The following TTC39B variants were observed in gnomAD, a reference collection of about 807,000 sequenced individuals.
The protein encoded by TTC39B is tetratricopeptide repeat domain 39B, also known as tetratricopeptide repeat protein 39B.
A neutral mutation model predicts 96.6 loss-of-function variants in TTC39B; 92 were observed. The observed-to-expected ratio is 0.95, with a 90% CI of 0.80 to 1.13. The LOEUF is 1.13. Among genes scored for constraint, TTC39B ranks in the 50% most tolerant of loss-of-function variants. TTC39B has a pLI of 0.00. For missense variants in TTC39B, 955 were observed against 809.3 expected (o/e 1.18, Z -2.18); for synonymous variants, 367 against 299.4 (o/e 1.23, Z -2.33).
rs984935776 is a variant in TTC39B, at chr9:15,306,808, G to A, written c.240+276C>T. 6.6e-5 allele frequency among the ~76,000 whole-genome samples: 10 copies of A among 152,126 alleles called. No homozygotes were observed. Among genetic ancestry groups the A allele is most frequent in the African/African-American group, 2.4e-4 (10 of 41,450 alleles). On this transcript the variant is annotated intron_variant, in intron 1 of 19. Transcript: ENST00000512701. This position sits in a 1 kb window ranked among gnomAD's most constrained non-coding sequence, Gnocchi z 5.1. Reference sequence around the variant, plus strand: ...GTCCCGCGCCCTCACGCCCATCCAAGTGCTGGCAGGACGTGGGTCCTCCAT... The same window carrying A: ...GTCCCGCGCCCTCACGCCCATCCAAATGCTGGCAGGACGTGGGTCCTCCAT...
chr9:15,270,012 T>C lies in TTC39B; in HGVS notation c.241-2064A>G, dbSNP rs1428134667. On this transcript the variant is annotated intron_variant, in intron 1 of 19. Transcript: ENST00000512701. ...GGTGAAACCCCATTCCTACTAAAAA[T>C]ACAAAAATTAGCCAGGCATGGTGGT... 4.6e-5 allele frequency among the ~76,000 whole-genome samples: 7 copies of C among 151,682 alleles called. No individual in the cohort carries two copies. In the East Asian group the frequency reaches 1.4e-3, roughly 30 times the overall value.
At chr9:15,170,324 C>A (rs1451101310) in exon 20 of TTC39B, 1 of 152,124 alleles carries the variant, frequency 6.6e-6, no homozygotes, top group Non-Finnish European at 1.5e-5. Context: ...CCTGGGTAGC[C>A]TACTGTCAAC....
intron 2 of TTC39B, among the ~76,000 whole-genome samples, chr9:15,229,802 G>A (rs1188812848): frequency 6.6e-6 from 1 of 152,126 alleles, no homozygotes; most frequent in South Asian, 2.1e-4. Flanking sequence ...AGACCTGTAA[G>A]CCAACTGGGG....
intron 1 of TTC39B, among the ~76,000 whole-genome samples, chr9:15,271,215 AG>A: frequency 6.6e-6 from 1 of 152,286 alleles, no homozygotes; most frequent in South Asian, 2.1e-4. Context: ...AAGCCTCCCA[AG>A]GATTATTTAA....
At chr9:15,227,433 T>C (rs367573918) in intron 2 of TTC39B, among the ~76,000 whole-genome samples, 4 of 152,180 alleles carry the variant, frequency 2.6e-5, no homozygotes, top group Non-Finnish European at 5.9e-5. Flanking sequence ...CATTTTTATC[T>C]TGGATATATC....
rs764405397 is a variant in TTC39B at position 15,200,956 on chromosome 9, G to A, written c.760-1031C>T. On this transcript the variant is annotated intron_variant, in intron 7 of 19. Coordinates refer to ENST00000512701, the Ensembl canonical transcript of TTC39B. ...GGAGGTTGCAGTGAGCCAAGATCGC[G>A]CCACTGCACTCCAGCCTGGTGACAG... Among the ~76,000 whole-genome samples, 61 of 152,010 alleles carry A rather than the reference G, an allele frequency of 4.0e-4. 1 individual carries two copies. Among genetic ancestry groups the A allele is most frequent in the Non-Finnish European group, 6.5e-4 (44 of 68,008 alleles).
At chr9:15,285,629 C>T (rs1004072219) in intron 1 of TTC39B, among the ~76,000 whole-genome samples, 5 of 152,116 alleles carry the variant, frequency 3.3e-5, no homozygotes, top group African/African-American at 1.2e-4. Context: ...CCGAGGCGGG[C>T]GGATCACGAG....
chr9:15,306,705 A>G lies in TTC39B; in HGVS notation c.240+379T>C, dbSNP rs2131632356. Among the ~76,000 whole-genome samples, 1 of 152,354 alleles carries G rather than the reference A, an allele frequency of 6.6e-6. No homozygotes were observed. Among genetic ancestry groups the G allele is most frequent in the South Asian group, 2.1e-4 (1 of 4,834 alleles). On this transcript the variant is annotated intron_variant, in intron 1 of 19. Coordinates refer to ENST00000512701, the Ensembl canonical transcript of TTC39B. This position sits in a 1 kb window ranked among gnomAD's most constrained non-coding sequence, Gnocchi z 5.1. ...CACGAACACCCAGAGAGCCAGTGCC[A>G]GGACTTCAGGGTCAGACTTCGTAAA...
chr9:15,226,853 T>C (rs1334636465), intron 2 of TTC39B, among the ~76,000 whole-genome samples: 4 of 152,076 alleles, frequency 2.6e-5, no homozygotes, highest in East Asian at 3.9e-4. Flanking sequence ...TGTATTACAA[T>C]AGAATTGCCA....
At chr9:15,270,471 C>T (rs149939567) in intron 1 of TTC39B, among the ~76,000 whole-genome samples, 1 of 152,244 alleles carries the variant, frequency 6.6e-6, no homozygotes, top group African/African-American at 2.4e-5. Context: ...TCTCCTCCTC[C>T]TCACAAACCT....
chr9:15,257,963 G>A (rs899552335), intron 2 of TTC39B, among the ~76,000 whole-genome samples: 2 of 152,140 alleles, frequency 1.3e-5, no homozygotes, highest in Non-Finnish European at 2.9e-5. Context: ...GGAAGGCTGA[G>A]GCAGGAGAAT....
At chr9:15,297,816 C>T (rs1388413014) in intron 1 of TTC39B, among the ~76,000 whole-genome samples, 1 of 152,132 alleles carries the variant, frequency 6.6e-6, no homozygotes, top group East Asian at 1.9e-4. Flanking sequence ...CAGATGCACA[C>T]CATGATCTCC....
chr9:15,255,025 G>A (rs1402604314), intron 2 of TTC39B, among the ~76,000 whole-genome samples: 1 of 152,010 alleles, frequency 6.6e-6, no homozygotes, highest in East Asian at 1.9e-4. Context: ...TAATTCATCA[G>A]AGCTATATGG....
chr9:15,206,629 A>G (rs911781419), intron 6 of TTC39B, among the ~76,000 whole-genome samples: 7 of 152,216 alleles, frequency 4.6e-5, no homozygotes, highest in Admixed American at 2.0e-4. Context: ...TTCATGATGC[A>G]CTGAAATAAT....
At chr9:15,169,152 TC>T (rs1162392199) in exon 20 of TTC39B, 3 of 152,220 alleles carry the variant, frequency 2.0e-5, no homozygotes, top group Non-Finnish European at 4.4e-5. Flanking sequence ...AAAATCTTCC[TC>T]GGCACTGATT....
At chr9:15,185,308 G>A (rs1330174720) in exon 16 of TTC39B, 1 of 1,613,406 alleles carries the variant, frequency 6.2e-7, no homozygotes, top group African/African-American at 1.3e-5. Flanking sequence ...CTTCACAGGT[G>A]CAGGTAAGGA....
chr9:15,220,706 A>G (rs1820795445), intron 3 of TTC39B, among the ~76,000 whole-genome samples: 1 of 152,170 alleles, frequency 6.6e-6, no homozygotes, highest in Non-Finnish European at 1.5e-5. Flanking sequence ...CAGGCTTCCA[A>G]AAAGTTGGAA....
intron 19 of TTC39B, among the ~76,000 whole-genome samples, chr9:15,174,581 A>C (rs539754725): frequency 1.3e-5 from 2 of 152,328 alleles, no homozygotes; most frequent in African/African-American, 4.8e-5. Flanking sequence ...AATACAATGA[A>C]GGTTGGCAAA....
intron 2 of TTC39B, among the ~76,000 whole-genome samples, chr9:15,263,507 G>A (rs1823016518): frequency 6.6e-6 from 1 of 152,132 alleles, no homozygotes; most frequent in Non-Finnish European, 1.5e-5. Flanking sequence ...AAACCACACC[G>A]CTGTGCTTTG....
Sources: allele counts gnomAD v4.1 joint callset (sites outside exome capture counted in the v4.1 genomes callset), GRCh38; gene constraint gnomAD v4.1.1; non-coding constraint Gnocchi (gnomAD v3.1); transcripts MANE v1.5; gene names NCBI Gene and HGNC (gene_info 2026-07-23, HGNC 2026-07-21).